RIT2: variants seen among roughly 807,000 people sequenced by gnomAD.
RIT2 encodes Ras like without CAAX 2, also known as GTP-binding protein Rit2.
In RIT2, 24 loss-of-function variants were observed where a neutral mutation model predicts 23.7. The ratio of observed to expected loss-of-function variants is 1.01; its 90% CI spans 0.73 to 1.43. The LOEUF is 1.43. Among genes scored for constraint, RIT2 ranks in the 40% most tolerant of loss-of-function variants. The pLI, the probability that RIT2 is intolerant of heterozygous loss-of-function variation, is 0.00. For missense variants in RIT2, 236 were observed against 266.9 expected (o/e 0.88, Z 0.81); for synonymous variants, 107 against 91.1 (o/e 1.17, Z -0.99).
In RIT2 at chr18:43,105,465, G is replaced by GGAGGAAGA. The variant is rs1201642162; in HGVS notation, c.103+9944_103+9951dup. Reference sequence around the variant, plus strand: ...GGAACAAAAAAAGGAAGGGAGGAAGGGAGGAAGAGAGGAAGGGAGGAAGGG... The same window carrying GGAGGAAGA: ...GGAACAAAAAAAGGAAGGGAGGAAGGGAGGAAGAGAGGAAGAGAGGAAGGGAGGAAGGG... On this transcript the variant is annotated intron_variant, in intron 1 of 4. Coordinates refer to ENST00000326695, the MANE Select transcript of RIT2 (RefSeq NM_002930.4). 3.1e-3 allele frequency among the ~76,000 whole-genome samples: 450 copies of GGAGGAAGA among 145,100 alleles called. 5 individuals carry two copies. Among genetic ancestry groups the GGAGGAAGA allele is most frequent in the African/African-American group, 0.01 (376 of 37,378 alleles).
At chr18:43,098,403 C>T (rs893374958) in intron 1 of RIT2, among the ~76,000 whole-genome samples, 1 of 151,774 alleles carries the variant, frequency 6.6e-6, no homozygotes, top group African/African-American at 2.4e-5. Flanking sequence ...TCCTTCTAAG[C>T]CCATTTGCTC....
chr18:42,954,589 T>C (rs1217468414), intron 3 of RIT2, among the ~76,000 whole-genome samples: 2 of 152,016 alleles, frequency 1.3e-5, no homozygotes, highest in African/African-American at 4.8e-5. Flanking sequence ...TAATGTAGAC[T>C]TGATCGGATT....
rs543776622 is a variant in RIT2, at chr18:43,071,881, C to T, written c.104-38014G>A. 7.6e-3 allele frequency among the ~76,000 whole-genome samples: 1,158 copies of T among 152,002 alleles called. 11 individuals are homozygous for T. Among genetic ancestry groups the T allele is most frequent in the South Asian group, 0.029 (138 of 4,810 alleles). ...CAGGTGAACTGGAAGCATACTATAC[C>T]TTTTTTTGTTCATTTATTCCCCTTC... On this transcript the variant is annotated intron_variant, in intron 1 of 4. Coordinates refer to ENST00000326695, the MANE Select transcript of RIT2 (RefSeq NM_002930.4).
chr18:42,797,272 A>T (rs1303458384), intron 4 of RIT2, among the ~76,000 whole-genome samples: 1 of 152,136 alleles, frequency 6.6e-6, no homozygotes, highest in African/African-American at 2.4e-5. Flanking sequence ...CAGAAAGTCC[A>T]TGGTTGTGAA....
intron 4 of RIT2, among the ~76,000 whole-genome samples, chr18:42,889,258 A>T (rs1908108993): frequency 6.6e-6 from 1 of 152,080 alleles, no homozygotes; most frequent in South Asian, 2.1e-4. Flanking sequence ...ATATGAAGAG[A>T]TTCTACTGAT....
At chr18:43,065,629 C>T (rs1912754259) in intron 1 of RIT2, among the ~76,000 whole-genome samples, 1 of 152,086 alleles carries the variant, frequency 6.6e-6, no homozygotes, top group South Asian at 2.1e-4. Context: ...TGAATTAATA[C>T]TATCTCATTT....
chr18:42,979,148 T>C (rs1910539187), intron 2 of RIT2, among the ~76,000 whole-genome samples: 3 of 152,132 alleles, frequency 2.0e-5, no homozygotes, highest in Admixed American at 1.3e-4. Context: ...AAATATAAAG[T>C]TTTTGATTAA....
At chr18:42,801,283 G>T (rs1463592134) in intron 4 of RIT2, among the ~76,000 whole-genome samples, 1 of 152,122 alleles carries the variant, frequency 6.6e-6, no homozygotes, top group African/African-American at 2.4e-5. Flanking sequence ...AGTATAACAT[G>T]GCTGGCTGCT....
chr18:42,827,541 A>G (rs539085994), intron 4 of RIT2, among the ~76,000 whole-genome samples: 1 of 152,260 alleles, frequency 6.6e-6, no homozygotes, highest in African/African-American at 2.4e-5. Flanking sequence ...ACTAGGGAAG[A>G]TATTTCCAGC....
At chr18:42,898,138 G>A (rs558744328) in intron 4 of RIT2, among the ~76,000 whole-genome samples, 6 of 152,120 alleles carry the variant, frequency 3.9e-5, no homozygotes, top group Admixed American at 1.3e-4. Context: ...ACAATGGCTC[G>A]CGCCTGAAAT....
chr18:42,941,026 G>T (rs925337980), intron 3 of RIT2, among the ~76,000 whole-genome samples: 3 of 152,060 alleles, frequency 2.0e-5, no homozygotes, highest in Non-Finnish European at 4.4e-5. Flanking sequence ...TGACACTCAG[G>T]CTTCTAATGC....
intron 3 of RIT2, among the ~76,000 whole-genome samples, chr18:42,957,117 A>G (rs955124548): frequency 2.6e-5 from 4 of 152,212 alleles, no homozygotes; most frequent in Admixed American, 2.6e-4. Context: ...TACATTAGGC[A>G]TTACATATTC....
At chr18:43,022,021 C>T (rs1198592417) in intron 2 of RIT2, among the ~76,000 whole-genome samples, 2 of 152,012 alleles carry the variant, frequency 1.3e-5, no homozygotes, top group African/African-American at 4.8e-5. Flanking sequence ...TTTATTGCAG[C>T]ACTATTCACA....
In RIT2 at chr18:43,094,123, GT is replaced by G. The variant is rs376144367; in HGVS notation, c.103+21293del. ...AAATTGGTATTAGTGGGTTTTTTTT[GT>G]TTTTTTTTTTTTTTTTCACTTTGCC... On this transcript the variant is annotated intron_variant, in intron 1 of 4. Transcript: ENST00000326695. Among the ~76,000 whole-genome samples the G allele has an allele frequency of 3.5e-3, 409 of 116,050 alleles. 1 individual carries two copies. The highest frequency in any genetic ancestry group is 0.012 in the African/African-American group (361 of 30,776). 76.1% of individuals were successfully genotyped at this position (116,050 alleles called of 152,430 possible). A position where few individuals can be genotyped will look rare whatever the true frequency, so the allele number is the denominator to read the frequency against.
At chr18:42,794,876 A>T (rs565946082) in intron 4 of RIT2, among the ~76,000 whole-genome samples, 57 of 152,376 alleles carry the variant, frequency 3.7e-4, no homozygotes, top group African/African-American at 1.4e-3. Flanking sequence ...AATGATAAAA[A>T]TAATTGCCAG....
intron 3 of RIT2, among the ~76,000 whole-genome samples, chr18:42,928,523 C>G (rs1258255356): frequency 6.6e-6 from 1 of 152,032 alleles, no homozygotes; most frequent in African/African-American, 2.4e-5. Context: ...GACCTGCTTA[C>G]CCTTCAATAG....
intron 4 of RIT2, among the ~76,000 whole-genome samples, chr18:42,816,640 A>G (rs959313729): frequency 1.9e-4 from 29 of 152,300 alleles, no homozygotes; most frequent in African/African-American, 7.0e-4. Flanking sequence ...ATATAATCCC[A>G]CATAATAACA....
intron 2 of RIT2, among the ~76,000 whole-genome samples, chr18:42,993,532 G>A (rs187135036): frequency 3.3e-5 from 5 of 152,160 alleles, no homozygotes; most frequent in Admixed American, 6.5e-5. Context: ...GGTATTGACG[G>A]CCAGGCTTCT....
chr18:43,023,520 T>C (rs1462013870), intron 2 of RIT2, among the ~76,000 whole-genome samples: 1 of 152,102 alleles, frequency 6.6e-6, no homozygotes, highest in East Asian at 1.9e-4. Context: ...ATAAAGCAAT[T>C]ATATCTACAT....
Sources: gnomAD v4.1 joint callset for allele counts (sites outside exome capture counted in the v4.1 genomes callset) on GRCh38, gnomAD v4.1.1 for gene constraint, MANE v1.5 for transcripts, NCBI Gene and HGNC (gene_info 2026-07-23, HGNC 2026-07-21) for gene names.